The following FOXP1 variants were observed in gnomAD, a reference collection of about 807,000 sequenced individuals.
FOXP1 encodes the protein forkhead box P1.
FOXP1 carries 15 observed loss-of-function variants against 98.2 expected under a neutral mutation model. That is an observed-to-expected ratio of 0.15 (90% CI 0.10 to 0.24). The LOEUF (loss-of-function observed/expected upper bound fraction) is 0.24. Ranked by LOEUF, FOXP1 falls within the 10% of genes least tolerant of loss-of-function variation. FOXP1 has a pLI of 1.00. For synonymous variants in FOXP1, 371 were observed against 314.5 expected (o/e 1.18, Z -1.90); for missense variants, 633 against 848.5 (o/e 0.75, Z 3.15).
intron 3 of FOXP1, among the ~76,000 whole-genome samples, chr3:71,385,013 A>T (rs1277297429): frequency 2.0e-5 from 3 of 152,186 alleles, no homozygotes; most frequent in Admixed American, 1.3e-4. Context: ...TGGCTACAGG[A>T]AAAACAAAAA....
intron 7 of FOXP1, among the ~76,000 whole-genome samples, chr3:71,096,051 C>A (rs1320424306): frequency 1.3e-5 from 2 of 152,180 alleles, no homozygotes. Flanking sequence ...CTACATCCTG[C>A]ATAAATTTAC....
At chr3:71,502,087 A>T (rs571745992) in intron 2 of FOXP1, among the ~76,000 whole-genome samples, 1 of 152,334 alleles carries the variant, frequency 6.6e-6, no homozygotes, top group African/African-American at 2.4e-5. Flanking sequence ...CCCTATCTAT[A>T]ACAAGTTGCT....
At chr3:71,155,037 T>C (rs2060752959) in intron 6 of FOXP1, among the ~76,000 whole-genome samples, 1 of 152,158 alleles carries the variant, frequency 6.6e-6, no homozygotes, top group Admixed American at 6.5e-5. Flanking sequence ...GTCAGAGGGA[T>C]ATTATTTCTT....
At chr3:71,433,186 C>G (rs1019173016) in intron 3 of FOXP1, among the ~76,000 whole-genome samples, 1 of 152,092 alleles carries the variant, frequency 6.6e-6, no homozygotes, top group Non-Finnish European at 1.5e-5. Flanking sequence ...AAGACTTCAG[C>G]CATCAAATGG....
intron 7 of FOXP1, among the ~76,000 whole-genome samples, chr3:71,088,448 C>A (rs1403885376): frequency 2.1e-5 from 3 of 146,286 alleles, no homozygotes; most frequent in African/African-American, 7.5e-5. Flanking sequence ...AGAATGTAAT[C>A]TCCCGGCTGC....
At chr3:71,550,662 T>C (rs1466805181) in intron 2 of FOXP1, among the ~76,000 whole-genome samples, 1 of 152,232 alleles carries the variant, frequency 6.6e-6, no homozygotes, top group Non-Finnish European at 1.5e-5. Flanking sequence ...CCCATAAGGA[T>C]ACCACTTATG....
chr3:71,023,458 T>C (rs974878237), intron 11 of FOXP1, among the ~76,000 whole-genome samples: 2 of 152,330 alleles, frequency 1.3e-5, no homozygotes, highest in East Asian at 3.9e-4. Context: ...CCCTATCTAC[T>C]AATAAAGAGT....
intron 12 of FOXP1, among the ~76,000 whole-genome samples, chr3:71,006,139 T>C (rs930898251): frequency 6.6e-6 from 1 of 152,162 alleles, no homozygotes; most frequent in Non-Finnish European, 1.5e-5. Context: ...CACTTCTCTG[T>C]TTCTCTTGGC....
intron 7 of FOXP1, among the ~76,000 whole-genome samples, chr3:71,104,156 T>C (rs747866835): frequency 3.3e-5 from 5 of 152,164 alleles, no homozygotes; most frequent in Non-Finnish European, 7.3e-5. Context: ...CACTGGAGAA[T>C]ACTGAGCAAG....
At chr3:71,571,469 T>C (rs903426593) in intron 2 of FOXP1, 1 of 152,194 alleles carries the variant, frequency 6.6e-6, no homozygotes, top group Non-Finnish European at 1.5e-5. Flanking sequence ...ACATCTCTAG[T>C]CATTTATGCT....
chr3:71,104,362 T>C (rs1220173779), intron 7 of FOXP1, among the ~76,000 whole-genome samples: 1 of 152,328 alleles, frequency 6.6e-6, no homozygotes, highest in Middle Eastern at 3.4e-3. Context: ...CAAGACCTCA[T>C]TGTGGGATCA....
intron 17 of FOXP1, among the ~76,000 whole-genome samples, chr3:70,975,682 C>T (rs1264487613): frequency 6.6e-6 from 1 of 152,110 alleles, no homozygotes; most frequent in Non-Finnish European, 1.5e-5. Context: ...TATCACATGT[C>T]TCTAAATGTT....
chr3:71,018,619 A>G (rs750992453), intron 11 of FOXP1, among the ~76,000 whole-genome samples: 3 of 152,212 alleles, frequency 2.0e-5, no homozygotes, highest in Non-Finnish European at 4.4e-5. Flanking sequence ...ATATAACTGG[A>G]TACTTTTAAA....
intron 11 of FOXP1, among the ~76,000 whole-genome samples, chr3:71,040,959 A>G (rs2048263988): frequency 1.3e-5 from 2 of 152,186 alleles, no homozygotes; most frequent in African/African-American, 4.8e-5. Context: ...AAAATTGCCC[A>G]CAGCAGACAC....
chr3:71,107,165 C>G (rs541841673), intron 7 of FOXP1, among the ~76,000 whole-genome samples: 36 of 152,298 alleles, frequency 2.4e-4, no homozygotes, highest in African/African-American at 8.2e-4. Flanking sequence ...CACCTATGCA[C>G]AGCTGAAGTT....
At chr3:71,449,478 T>A (rs930965038) in intron 3 of FOXP1, among the ~76,000 whole-genome samples, 11 of 152,300 alleles carry the variant, frequency 7.2e-5, no homozygotes, top group Admixed American at 6.5e-4. Context: ...AACACATCTT[T>A]CCTTTAAAAC....
At chr3:71,064,703 A>G (rs1404559209) in intron 7 of FOXP1, 2 of 671,304 alleles carry the variant, frequency 3.0e-6, no homozygotes, top group Admixed American at 1.3e-4. Context: ...GATTTTTTAA[A>G]AGACTCAACT....
intron 4 of FOXP1, among the ~76,000 whole-genome samples, chr3:71,300,207 C>A (rs1358204324): frequency 6.6e-6 from 1 of 152,164 alleles, no homozygotes; most frequent in Non-Finnish European, 1.5e-5. Context: ...TTTTTGGAAA[C>A]CAGACTGCCA....
chr3:71,316,457 C>G (rs181458188), intron 4 of FOXP1, among the ~76,000 whole-genome samples: 55 of 152,174 alleles, frequency 3.6e-4, no homozygotes, highest in Non-Finnish European at 4.4e-4. Context: ...ATGCAAGGAC[C>G]ACCAGGGCCA....
Sources: allele counts gnomAD v4.1 joint callset (sites outside exome capture counted in the v4.1 genomes callset), GRCh38; gene constraint gnomAD v4.1.1; transcripts MANE v1.5; gene names NCBI Gene and HGNC (gene_info 2026-07-23, HGNC 2026-07-21).